Variants in LCP1 observed in about 807,000 individuals in gnomAD.
The protein encoded by LCP1 is plastin-2.
A neutral mutation model predicts 72.0 loss-of-function variants in LCP1; 23 were observed. That is an observed-to-expected ratio of 0.32 (90% CI 0.23 to 0.45). The LOEUF (loss-of-function observed/expected upper bound fraction) is 0.45. LCP1 is among the 20% of genes least tolerant of loss of function. LCP1 has a pLI of 1.00. For missense variants in LCP1, 571 were observed against 748.3 expected, an observed-to-expected ratio of 0.76 and a Z score of 2.76; for synonymous variants, 245 against 275.4, an observed-to-expected ratio of 0.89 and a Z score of 1.09.
At chr13:46,181,069 G>A (rs780888149) in intron 1 of LCP1, among the ~76,000 whole-genome samples, 2 of 152,212 alleles carry the variant, frequency 1.3e-5, no homozygotes, top group Non-Finnish European at 1.5e-5. Flanking sequence ...TATGACAAAT[G>A]TATGTAAATT....
intron 1 of LCP1, among the ~76,000 whole-genome samples, chr13:46,174,833 TCAAAAAA>T (rs997238553): frequency 9.3e-5 from 7 of 75,174 alleles, no homozygotes; most frequent in African/African-American, 2.9e-4. Flanking sequence ...AACTCCATCT[TCAAAAAA>T]AAAAAAAAAA....
Position 46,160,629 on chromosome 13 carries a change from T to G in LCP1, c.-24-943A>C, listed in dbSNP as rs1003409292. On this transcript the variant is annotated intron_variant, in intron 1 of 15. Coordinates refer to ENST00000323076, the MANE Select transcript of LCP1 (RefSeq NM_002298.5). ...AAGCGACAGTCTTGCTGAGAAACAG[T>G]GCTTGAGTAATTTCCCTTTTCCTGT... Among the ~76,000 whole-genome samples the G allele has an allele frequency of 2.0e-5, 3 of 152,124 alleles. No homozygotes were observed. The South Asian group carries it at 6.2e-4, about 32-fold the overall frequency.
chr13:46,159,083 G>A (rs1279275856), intron 2 of LCP1, 94 bp from the exon 3 acceptor site: 3 of 1,140,058 alleles, frequency 2.6e-6, no homozygotes, highest in Non-Finnish European at 3.9e-6. Context: ...GAAGGGACGA[G>A]AGAGGCTATC....
chr13:46,132,314 C>T (rs1279213592), intron 14 of LCP1, among the ~76,000 whole-genome samples: 2 of 152,140 alleles, frequency 1.3e-5, no homozygotes, highest in African/African-American at 2.4e-5. Context: ...GAGAAGCACC[C>T]CTGGGCTATG....
At chr13:46,142,660 A>G (rs1406854779) in intron 12 of LCP1, 11 of 571,218 alleles carry the variant, frequency 1.9e-5, no homozygotes, top group Admixed American at 7.5e-5. Flanking sequence ...AAATGAATTC[A>G]TTACTATGAA....
chr13:46,132,001 CTTTT>C (rs57807290), intron 14 of LCP1, among the ~76,000 whole-genome samples: 5 of 147,874 alleles, frequency 3.4e-5, no homozygotes, highest in Admixed American at 6.7e-5. Context: ...CTCTCTGAAT[CTTTT>C]TTTTTTTTTT....
chr13:46,145,128 T>C (rs544527387), intron 10 of LCP1, among the ~76,000 whole-genome samples: 1 of 152,320 alleles, frequency 6.6e-6, no homozygotes, highest in Non-Finnish European at 1.5e-5. Flanking sequence ...GAGATAAGCC[T>C]ATCTGGAAGA....
chr13:46,162,792 C>G (rs1308011130), intron 1 of LCP1, among the ~76,000 whole-genome samples: 4 of 150,812 alleles, frequency 2.7e-5, no homozygotes, highest in Admixed American at 2.0e-4. Flanking sequence ...GCCTCTGCCC[C>G]GCCGCCCCGT....
At chr13:46,134,307 C>A in intron 13 of LCP1, 57 bp from the exon 14 acceptor site, 1 of 1,550,024 alleles carries the variant, frequency 6.5e-7, no homozygotes, top group Admixed American at 1.8e-5. Flanking sequence ...TTAATATAAA[C>A]AAAAAGTAGC....
At chr13:46,171,106 C>T (rs973731276) in intron 1 of LCP1, among the ~76,000 whole-genome samples, 1 of 152,178 alleles carries the variant, frequency 6.6e-6, no homozygotes, top group African/African-American at 2.4e-5. Context: ...TAATAATAGC[C>T]GTTAACATTA....
chr13:46,135,926 CA>C, intron 13 of LCP1, among the ~76,000 whole-genome samples: 1 of 152,158 alleles, frequency 6.6e-6, no homozygotes, highest in East Asian at 1.9e-4. Flanking sequence ...TGCTTGGTCA[CA>C]TTTAATGTGA....
chr13:46,138,660 T>C lies in LCP1; in HGVS notation c.1502+3632A>G, dbSNP rs568311496. Among the ~76,000 whole-genome samples the C allele has an allele frequency of 5.9e-5, 9 of 152,336 alleles. 1 individual carries two copies. Among genetic ancestry groups the C allele is most frequent in the African/African-American group, 2.2e-4 (9 of 41,576 alleles). ...TGACCTGAGTTTGTTTGTTTGTTTT[T>C]TTCTGAGACAGAGTCTCGCTCCGTC... On this transcript the variant is annotated intron_variant, in intron 13 of 15. Transcript: ENST00000323076.
intron 14 of LCP1, among the ~76,000 whole-genome samples, 168 bp from the exon 15 acceptor site, chr13:46,131,106 G>T (rs531810796): frequency 1.3e-5 from 2 of 152,280 alleles, no homozygotes; most frequent in African/African-American, 4.8e-5. Context: ...AGTTTCTGTA[G>T]GAGCATCAGT....
intron 6 of LCP1, among the ~76,000 whole-genome samples, chr13:46,154,596 T>C (rs150679681): frequency 0.034 from 5,195 of 152,270 alleles, 233 homozygotes; most frequent in Admixed American, 0.13. Flanking sequence ...AAAACAAACA[T>C]ACAAAGCCCC....
chr13:46,146,911 C>T lies in LCP1; in HGVS notation c.1171G>A (p.Glu391Lys). 6.2e-7 allele frequency: 1 copy of T among 1,614,134 alleles called. No homozygotes were observed. Among genetic ancestry groups the T allele is most frequent in the Non-Finnish European group, 8.5e-7 (1 of 1,180,002 alleles). The change falls in exon 10 of 16, where the codon GAA becomes AAA. Residue 391 changes from glutamate (E) to lysine (K), a missense_variant. Transcript: ENST00000323076. Reference sequence around the variant, plus strand: ...TAGGCAAATCGTTTACAGTTACCTTCAAGAGCCCCCCAGTCAATGTCCTGG... The same window carrying T: ...TAGGCAAATCGTTTACAGTTACCTTTAAGAGCCCCCCAGTCAATGTCCTGG... The part of the protein sequence containing the change: ...ENQDIDWGAL[E>K]GETREERTFR...
intron 6 of LCP1, among the ~76,000 whole-genome samples, chr13:46,153,680 G>A (rs1178127184): frequency 1.4e-5 from 2 of 144,110 alleles, no homozygotes; most frequent in African/African-American, 2.6e-5. Context: ...CAGCCTGGGC[G>A]ACAAGAGTGA....
intron 1 of LCP1, among the ~76,000 whole-genome samples, chr13:46,166,204 T>C (rs1286468931): frequency 6.6e-6 from 1 of 152,156 alleles, no homozygotes; most frequent in East Asian, 1.9e-4. Context: ...AGAAAAAACA[T>C]CCTCTAAAGT....
chr13:46,144,353 A>C, intron 11 of LCP1, 89 bp downstream of exon 11: 21 of 990,568 alleles, frequency 2.1e-5, no homozygotes, highest in Non-Finnish European at 3.0e-5. Context: ...CATTTTGTGA[A>C]GAGAATGCAC....
intron 13 of LCP1, among the ~76,000 whole-genome samples, chr13:46,137,726 C>G (rs867669701): frequency 1.3e-5 from 2 of 152,174 alleles, no homozygotes; most frequent in African/African-American, 4.8e-5. Flanking sequence ...ATGGAGCCCT[C>G]CAGACAAGAT....
Sources: gnomAD v4.1 joint callset for allele counts (sites outside exome capture counted in the v4.1 genomes callset) on GRCh38, gnomAD v4.1.1 for gene constraint, MANE v1.5 for transcripts, NCBI Gene and HGNC (gene_info 2026-07-23, HGNC 2026-07-21) for gene names.